The following KLHDC10 variants were observed in gnomAD, a reference collection of about 807,000 sequenced individuals.
The protein encoded by KLHDC10 is kelch domain containing 10, also known as kelch domain-containing protein 10.
A neutral mutation model predicts 56.1 loss-of-function variants in KLHDC10; 24 were observed. That is an observed-to-expected ratio of 0.43 (90% CI 0.31 to 0.60). The LOEUF (loss-of-function observed/expected upper bound fraction) is 0.60, where lower values mean the gene tolerates loss of function less well. KLHDC10 is among the 20% of genes least tolerant of loss of function. KLHDC10 has a pLI of 0.11. For synonymous variants in KLHDC10, 188 were observed against 207.1 expected (o/e 0.91, Z 0.79); for missense variants, 349 against 567.0 (o/e 0.62, Z 3.91).
At chr7:130,082,255 T>C (rs954554551) in intron 1 of KLHDC10, among the ~76,000 whole-genome samples, 1 of 152,056 alleles carries the variant, frequency 6.6e-6, no homozygotes, top group Non-Finnish European at 1.5e-5. Flanking sequence ...GCCCAAAAGG[T>C]TGGGGCTGTA....
chr7:130,087,914 C>T (rs571063597), intron 1 of KLHDC10, among the ~76,000 whole-genome samples: 32 of 151,938 alleles, frequency 2.1e-4, no homozygotes, highest in African/African-American at 7.7e-4. Flanking sequence ...GTGCTCGCCA[C>T]CACGCCTGGC....
chr7:130,103,668 A>G (rs1233653719), intron 2 of KLHDC10, among the ~76,000 whole-genome samples: 2 of 152,192 alleles, frequency 1.3e-5, no homozygotes, highest in East Asian at 3.8e-4. Flanking sequence ...CTGAGGGGAA[A>G]TTATTCTCAA....
intron 1 of KLHDC10, among the ~76,000 whole-genome samples, chr7:130,092,283 A>G (rs1395451916): frequency 6.6e-6 from 1 of 152,246 alleles, no homozygotes; most frequent in East Asian, 1.9e-4. Flanking sequence ...GTATAGGATT[A>G]GCTTGTTCAT....
At position 130,121,088 on chromosome 7, in the gene KLHDC10, T is replaced by C. The variant is rs1207778177; in HGVS notation, c.630+185T>C. Among the ~76,000 whole-genome samples, 3 of 151,898 alleles carry C rather than the reference T, an allele frequency of 2.0e-5. No individual in the cohort carries two copies. The East Asian group carries it at 5.8e-4, about 30-fold the overall frequency. Reference sequence around the variant, plus strand: ...AATCTGGTTACTTGCTGTGTTCTTTTCTTTTCTCTTCCTTTCTTTTCTTTT... The same window carrying C: ...AATCTGGTTACTTGCTGTGTTCTTTCCTTTTCTCTTCCTTTCTTTTCTTTT... On this transcript the variant is annotated intron_variant, in intron 4 of 9. Transcript: ENST00000335420.
intron 2 of KLHDC10, among the ~76,000 whole-genome samples, chr7:130,100,834 T>C (rs2116876254): frequency 6.6e-6 from 1 of 152,298 alleles, no homozygotes; most frequent in South Asian, 2.1e-4. Context: ...AACATATTTC[T>C]ACCAATTAAA....
Position 130,120,633 on chromosome 7 carries a change from C to G in KLHDC10, c.476-116C>G. On this transcript the variant is annotated intron_variant, in intron 3 of 9. Transcript: ENST00000335420. The surrounding 1 kb of genome is among the most constrained non-coding windows in gnomAD (Gnocchi z 5.1). ...ACTAGTTAGATGTCAGTGGTTTGAG[C>G]TATCTTATGAGATCATTAAAGCAGA... 9.4e-7 allele frequency: 1 copy of G among 1,068,676 alleles called. No individual in the cohort carries two copies. Among genetic ancestry groups the G allele is most frequent in the South Asian group, 1.6e-5 (1 of 61,298 alleles). 66.2% of individuals were successfully genotyped at this position (1,068,676 alleles called of 1,614,324 possible). A position where few individuals can be genotyped will look rare whatever the true frequency, so the allele number is the denominator to read the frequency against.
intron 1 of KLHDC10, among the ~76,000 whole-genome samples, chr7:130,094,085 G>A (rs576772991): frequency 1.3e-3 from 196 of 151,902 alleles, no homozygotes; most frequent in African/African-American, 4.4e-3. Context: ...CACCACGCCT[G>A]ACTAATTTTT....
chr7:130,076,692 A>G (rs1036630729), intron 1 of KLHDC10, among the ~76,000 whole-genome samples: 2 of 152,198 alleles, frequency 1.3e-5, no homozygotes, highest in Non-Finnish European at 2.9e-5. Context: ...CTGCCCAGTT[A>G]TGGCAGTGTC....
chr7:130,079,506 T>C (rs1245493046), intron 1 of KLHDC10, among the ~76,000 whole-genome samples: 2 of 152,230 alleles, frequency 1.3e-5, no homozygotes, highest in African/African-American at 4.8e-5. Flanking sequence ...ATGGATTTAT[T>C]GTTACTGAAC....
intron 2 of KLHDC10, among the ~76,000 whole-genome samples, chr7:130,103,340 G>A (rs1795960940): frequency 6.6e-6 from 1 of 150,762 alleles, no homozygotes; most frequent in Non-Finnish European, 1.5e-5. Context: ...GCGGGGAATT[G>A]CTTGAATCCG....
chr7:130,095,642 A>G (rs971088044), intron 1 of KLHDC10, among the ~76,000 whole-genome samples: 6 of 152,204 alleles, frequency 3.9e-5, no homozygotes, highest in African/African-American at 7.2e-5. Context: ...ATGCCATTTC[A>G]TTATACAGAA....
In KLHDC10 at chr7:130,131,012, A is replaced by T. The variant is rs1796393111; in HGVS notation, c.*266A>T. 1 of 388,986 alleles carries T rather than the reference A, an allele frequency of 2.6e-6. No individual in the cohort carries two copies. Among genetic ancestry groups the T allele is most frequent in the Non-Finnish European group, 4.7e-6 (1 of 211,682 alleles). 24.1% of individuals were successfully genotyped at this position (388,986 alleles called of 1,614,324 possible). Reference sequence around the variant, plus strand: ...TCCCTCTTCCTTCTCGATGGAGTTAAGGGAAAGCCTGAAAGTACCTTAATA... The same window carrying T: ...TCCCTCTTCCTTCTCGATGGAGTTATGGGAAAGCCTGAAAGTACCTTAATA... On this transcript the variant is annotated 3_prime_UTR_variant, in exon 10 of 10. Transcript: ENST00000335420.
intron 2 of KLHDC10, among the ~76,000 whole-genome samples, chr7:130,097,595 A>G (rs1795867279): frequency 6.6e-6 from 1 of 152,168 alleles, no homozygotes; most frequent in South Asian, 2.1e-4. Flanking sequence ...ATTTATTTTT[A>G]CTATTATTAT....
intron 6 of KLHDC10, among the ~76,000 whole-genome samples, chr7:130,124,816 A>G (rs1236455070): frequency 6.6e-6 from 1 of 152,236 alleles, no homozygotes. Flanking sequence ...AGTAGCTTGA[A>G]TGGAGCAACT....
chr7:130,096,424 T>C (rs1050608848), intron 1 of KLHDC10, among the ~76,000 whole-genome samples: 2 of 152,182 alleles, frequency 1.3e-5, no homozygotes, highest in Admixed American at 6.5e-5. Context: ...TGTTTTAAAA[T>C]TTAATTATAG....
intron 1 of KLHDC10, among the ~76,000 whole-genome samples, chr7:130,084,547 G>A (rs1406475293): frequency 2.0e-5 from 3 of 152,192 alleles, no homozygotes; most frequent in African/African-American, 7.2e-5. Context: ...GGAGGCCAAG[G>A]TGGGTGAATC....
At chr7:130,071,183 G>C (rs758402159) in intron 1 of KLHDC10, among the ~76,000 whole-genome samples, 1 of 152,142 alleles carries the variant, frequency 6.6e-6, no homozygotes, top group Non-Finnish European at 1.5e-5. Flanking sequence ...TTTCAAAAAG[G>C]GTGCCAAGTT....
intron 1 of KLHDC10, among the ~76,000 whole-genome samples, chr7:130,090,444 C>T (rs1383337255): frequency 2.0e-5 from 3 of 151,880 alleles, no homozygotes; most frequent in Non-Finnish European, 4.4e-5. Flanking sequence ...AAAAATTAGG[C>T]AGGTGTGGTG....
At chr7:130,107,463 A>G (rs9656389) in intron 2 of KLHDC10, among the ~76,000 whole-genome samples, 17,361 of 152,208 alleles carry the variant, frequency 0.11, 1,086 homozygotes, top group Middle Eastern at 0.19. Flanking sequence ...ACAAAATAAA[A>G]GAGGTATCTA....
Sources: gnomAD v4.1 joint callset for allele counts (sites outside exome capture counted in the v4.1 genomes callset) on GRCh38, gnomAD v4.1.1 for gene constraint, Gnocchi (gnomAD v3.1) non-coding constraint, MANE v1.5 for transcripts, NCBI Gene and HGNC (gene_info 2026-07-23, HGNC 2026-07-21) for gene names.